MAP2: variants seen among roughly 807,000 people sequenced by gnomAD.
MAP2 encodes the protein microtubule-associated protein 2.
A neutral mutation model predicts 137.6 loss-of-function variants in MAP2; 14 were observed. The ratio of observed to expected loss-of-function variants is 0.10; its 90% CI spans 0.07 to 0.16. The LOEUF (loss-of-function observed/expected upper bound fraction) is 0.16. Among genes scored for constraint, MAP2 ranks in the 10% least tolerant of loss-of-function variants. MAP2 has a pLI of 1.00. For missense variants in MAP2, 2,088 were observed against 2,191.5 expected (o/e 0.95, Z 0.94); for synonymous variants, 786 against 782.3 (o/e 1.00, Z -0.08).
At position 209,632,894 on chromosome 2, in the gene MAP2, T is replaced by C. The variant is rs1204672916; in HGVS notation, c.-30+7765T>C. On this transcript the variant is annotated intron_variant, in intron 4 of 15. Transcript: ENST00000682079. Reference sequence around the variant, plus strand: ...AGTGGCCTTTGATTAGTTTCCCTCTTCCTGAAATTCTTTATAAACTGACTC... The same window carrying C: ...AGTGGCCTTTGATTAGTTTCCCTCTCCCTGAAATTCTTTATAAACTGACTC... Among the ~76,000 whole-genome samples the C allele has an allele frequency of 5.9e-5, 9 of 152,118 alleles. 1 individual carries two copies. In the East Asian group the frequency reaches 1.7e-3, roughly 29 times the overall value.
rs925263 is a variant in MAP2 at position 209,634,907 on chromosome 2, C to T, written c.-30+9778C>T. 8.1e-3 allele frequency among the ~76,000 whole-genome samples: 1,230 copies of T among 152,038 alleles called. 15 individuals are homozygous for T. The highest frequency in any genetic ancestry group is 0.028 in the African/African-American group (1,148 of 41,484). On this transcript the variant is annotated intron_variant, in intron 4 of 15. Coordinates refer to ENST00000682079, the MANE Select transcript of MAP2 (RefSeq NM_001375505.1). Reference sequence around the variant, plus strand: ...CAAGCATTTTGCTTGGGCAACATAGCGAGACCTCATGTCATCTCACAAAAA... The same window carrying T: ...CAAGCATTTTGCTTGGGCAACATAGTGAGACCTCATGTCATCTCACAAAAA...
intron 13 of MAP2, among the ~76,000 whole-genome samples, chr2:209,712,946 G>A (rs10205733): frequency 0.97 from 146,982 of 152,246 alleles, 71,156 homozygotes; most frequent in East Asian, 1. Context: ...ACTTGAATGG[G>A]TTGGCCAACG....
chr2:209,593,642 T>A (rs867163878), intron 3 of MAP2, among the ~76,000 whole-genome samples: 3,895 of 21,578 alleles, frequency 0.18, 562 homozygotes, highest in Non-Finnish European at 0.21. Flanking sequence ...AAAATATATA[T>A]ATATATATAT....
chr2:209,467,378 A>G (rs1370457528), intron 1 of MAP2, among the ~76,000 whole-genome samples: 4 of 152,118 alleles, frequency 2.6e-5, no homozygotes, highest in African/African-American at 9.7e-5. Flanking sequence ...CGTCTACCCA[A>G]TTCTTAAAAA....
chr2:209,444,945 TG>T (rs1229427628), intron 1 of MAP2, among the ~76,000 whole-genome samples: 1 of 151,542 alleles, frequency 6.6e-6, no homozygotes, highest in African/African-American at 2.4e-5. Flanking sequence ...TGTGATGATG[TG>T]TTACCATCAC....
chr2:209,670,784 G>T (rs1031387658), intron 5 of MAP2, among the ~76,000 whole-genome samples: 1 of 151,876 alleles, frequency 6.6e-6, no homozygotes, highest in African/African-American at 2.4e-5. Flanking sequence ...AGTGACTGTG[G>T]CGGGATCAGT....
intron 2 of MAP2, among the ~76,000 whole-genome samples, chr2:209,533,861 G>A (rs753207985): frequency 6.6e-6 from 1 of 152,168 alleles, no homozygotes; most frequent in Non-Finnish European, 1.5e-5. Flanking sequence ...GGTAAGGGGA[G>A]CCGGTCTAGG....
chr2:209,625,085 G>A lies in MAP2; in HGVS notation c.-74G>A, dbSNP rs1456076262. 6.6e-6 allele frequency: 1 copy of A among 152,034 alleles called. No individual in the cohort carries two copies. Among genetic ancestry groups the A allele is most frequent in the Non-Finnish European group, 1.5e-5 (1 of 68,018 alleles). The allele number at this position is 152,034 out of a possible 1,614,324, so 9.4% of individuals were successfully genotyped here. A position where few individuals can be genotyped will look rare whatever the true frequency, so the allele number is the denominator to read the frequency against. ...CCAGAAAATATTATCAACCCTTTGAGAACACGACACAACGAACTTTATATT... is the reference window on the plus strand; with the variant it reads ...CCAGAAAATATTATCAACCCTTTGAAAACACGACACAACGAACTTTATATT... On this transcript the variant is annotated 5_prime_UTR_variant, in exon 4 of 16. Transcript: ENST00000682079.
intron 2 of MAP2, among the ~76,000 whole-genome samples, chr2:209,551,140 G>A (rs950220716): frequency 2.0e-5 from 3 of 152,030 alleles, no homozygotes; most frequent in Admixed American, 6.6e-5. Flanking sequence ...AAGTTATAGG[G>A]CTAGGTAGAA....
intron 1 of MAP2, among the ~76,000 whole-genome samples, chr2:209,436,753 T>G (rs1282645653): frequency 1.3e-5 from 2 of 151,668 alleles, no homozygotes; most frequent in Non-Finnish European, 3.0e-5. Context: ...TTTGTGACGT[T>G]GATTTTGTCT....
At chr2:209,506,531 C>T (rs182997552) in intron 1 of MAP2, among the ~76,000 whole-genome samples, 1 of 152,230 alleles carries the variant, frequency 6.6e-6, no homozygotes, top group East Asian at 1.9e-4. Context: ...CTCCCTGTGG[C>T]GAGTTGAGTC....
intron 1 of MAP2, among the ~76,000 whole-genome samples, chr2:209,430,196 C>G (rs948186919): frequency 2.0e-5 from 3 of 149,814 alleles, no homozygotes; most frequent in African/African-American, 7.4e-5. Context: ...ATATTTGATT[C>G]TTTAATTTGC....
intron 4 of MAP2, among the ~76,000 whole-genome samples, chr2:209,635,618 G>A (rs1238655600): frequency 2.6e-5 from 4 of 152,096 alleles, no homozygotes; most frequent in Non-Finnish European, 5.9e-5. Context: ...AATATAGTGT[G>A]TTGCAGTGTT....
chr2:209,666,282 C>T (rs752176019), intron 5 of MAP2, among the ~76,000 whole-genome samples: 4 of 151,542 alleles, frequency 2.6e-5, no homozygotes, highest in Non-Finnish European at 5.9e-5. Context: ...TTTATTTTCT[C>T]CAGGCCAGTT....
chr2:209,560,633 A>G (rs2071822785), intron 2 of MAP2, among the ~76,000 whole-genome samples: 1 of 152,018 alleles, frequency 6.6e-6, no homozygotes, highest in Admixed American at 6.6e-5. Context: ...AACATGAGGC[A>G]CTGCACCTTG....
intron 2 of MAP2, among the ~76,000 whole-genome samples, chr2:209,556,662 T>TAAAA (rs111264428): frequency 9.2e-6 from 1 of 108,484 alleles, no homozygotes. Context: ...TCTGGCCTAT[T>TAAAA]AAAAAAAAAA....
chr2:209,626,475 A>C (rs1020994612), intron 4 of MAP2, among the ~76,000 whole-genome samples: 2 of 152,178 alleles, frequency 1.3e-5, no homozygotes, highest in Non-Finnish European at 2.9e-5. Flanking sequence ...AACAAATGCT[A>C]ACATGCAGCT....
intron 3 of MAP2, among the ~76,000 whole-genome samples, chr2:209,611,895 TA>T (rs2087011519): frequency 2.0e-5 from 3 of 151,986 alleles, no homozygotes; most frequent in Admixed American, 2.0e-4. Flanking sequence ...GCAGGGAGTA[TA>T]AAGAAAAAAC....
At chr2:209,488,592 C>T (rs1029882006) in intron 1 of MAP2, among the ~76,000 whole-genome samples, 3 of 152,120 alleles carry the variant, frequency 2.0e-5, no homozygotes, top group South Asian at 2.1e-4. Context: ...GATGCTCGAG[C>T]TTGGTGGGGG....
Sources: gnomAD v4.1 joint callset for allele counts (sites outside exome capture counted in the v4.1 genomes callset) on GRCh38, gnomAD v4.1.1 for gene constraint, MANE v1.5 for transcripts, NCBI Gene and HGNC (gene_info 2026-07-23, HGNC 2026-07-21) for gene names.